Variants in ALDH2 observed in about 807,000 individuals in gnomAD.
ALDH2 encodes aldehyde dehydrogenase 2 family member.
In ALDH2, 44 loss-of-function variants were observed where a neutral mutation model predicts 59.6. The ratio of observed to expected loss-of-function variants is 0.74; its 90% CI spans 0.58 to 0.95. ALDH2 has a LOEUF of 0.95. Among genes scored for constraint, ALDH2 ranks in the 40% least tolerant of loss-of-function variants. ALDH2 has a pLI of 0.00. For synonymous variants in ALDH2, 291 were observed against 284.0 expected, an observed-to-expected ratio of 1.02 and a Z score of -0.25; for missense variants, 570 against 696.3, an observed-to-expected ratio of 0.82 and a Z score of 2.04.
chr12:111,792,205 C>A, intron 8 of ALDH2, 42 bp downstream of exon 8: 2 of 1,441,468 alleles, frequency 1.4e-6, no homozygotes, highest in Non-Finnish European at 1.9e-6. Context: ...GAAGGTAGCC[C>A]TGGCCACCTG....
intron 1 of ALDH2, among the ~76,000 whole-genome samples, chr12:111,776,195 T>C (rs1004745759): frequency 1.3e-5 from 2 of 152,088 alleles, no homozygotes; most frequent in African/African-American, 4.8e-5. Flanking sequence ...CTTTGCAAAA[T>C]AAAGTTTAAA....
rs2068530292 is a variant in ALDH2, at chr12:111,810,807, A to G, written c.*1232A>G. Reference sequence around the variant, plus strand: ...AGGCTGTTTTCAAACTCCTGGACTCAAGTGATCCTCCCGCCTTAGCCTCCT... The same window carrying G: ...AGGCTGTTTTCAAACTCCTGGACTCGAGTGATCCTCCCGCCTTAGCCTCCT... On this transcript the variant is annotated 3_prime_UTR_variant, in exon 13 of 13. Coordinates refer to ENST00000261733, the MANE Select transcript of ALDH2 (RefSeq NM_000690.4). 6.6e-6 allele frequency: 1 copy of G among 152,128 alleles called. No individual in the cohort carries two copies. Among genetic ancestry groups the G allele is most frequent in the Non-Finnish European group, 1.5e-5 (1 of 68,102 alleles). 9.4% of individuals were successfully genotyped at this position (152,128 alleles called of 1,614,324 possible). A position where few individuals can be genotyped will look rare whatever the true frequency, so the allele number is the denominator to read the frequency against.
chr12:111,780,050 C>T (rs1384095543), intron 1 of ALDH2, among the ~76,000 whole-genome samples: 8 of 152,140 alleles, frequency 5.3e-5, no homozygotes, highest in Non-Finnish European at 1.2e-4. Context: ...TGCCACCACA[C>T]CTGGCTAATT....
chr12:111,794,765 C>A (rs535354113), intron 9 of ALDH2, among the ~76,000 whole-genome samples: 1 of 152,226 alleles, frequency 6.6e-6, no homozygotes, highest in East Asian at 1.9e-4. Flanking sequence ...CCTCAGCCTC[C>A]CAAAGTCCTG....
chr12:111,787,441 A>T lies in ALDH2; in HGVS notation c.440+2095A>T, dbSNP rs149130655. On this transcript the variant is annotated intron_variant, in intron 4 of 12. Transcript: ENST00000261733. ...GCTAAGCTGTCATCTTTTAGTTGTA[A>T]TGCCATATTCCTGAGGGAGGACCCT... 2.1e-3 allele frequency among the ~76,000 whole-genome samples: 319 copies of T among 152,248 alleles called. 1 individual carries two copies. The highest frequency in any genetic ancestry group is 7.2e-3 in the African/African-American group (301 of 41,548).
intron 2 of ALDH2, among the ~76,000 whole-genome samples, chr12:111,782,863 G>A (rs1438008910): frequency 6.6e-6 from 1 of 151,128 alleles, no homozygotes; most frequent in African/African-American, 2.4e-5. Flanking sequence ...CAGCCTGGGC[G>A]ACAGAGCGAG....
intron 2 of ALDH2, among the ~76,000 whole-genome samples, 181 bp downstream of exon 2, chr12:111,782,203 A>T (rs1465297173): frequency 6.6e-6 from 1 of 152,256 alleles, no homozygotes; most frequent in Non-Finnish European, 1.5e-5. Flanking sequence ...TAATTCACTT[A>T]GTGTAGAACT....
At chr12:111,796,320 T>C (rs1248153323) in intron 9 of ALDH2, among the ~76,000 whole-genome samples, 1 of 151,176 alleles carries the variant, frequency 6.6e-6, no homozygotes, top group African/African-American at 2.4e-5. Flanking sequence ...AGACTCCACC[T>C]CAAAAAATAA....
At chr12:111,790,006 G>T in intron 5 of ALDH2, 72 bp downstream of exon 5, 1 of 1,455,446 alleles carries the variant, frequency 6.9e-7, no homozygotes. Context: ...CATTGCAGAG[G>T]TTCTGGGGTG....
At chr12:111,767,835 T>C (rs566358087) in intron 1 of ALDH2, among the ~76,000 whole-genome samples, 1 of 152,220 alleles carries the variant, frequency 6.6e-6, no homozygotes. Flanking sequence ...AGGCTGAAAT[T>C]GGTTATGAAA....
chr12:111,812,319 A>G lies in ALDH2; in HGVS notation c.*2744A>G, dbSNP rs2068541750. ...ATCATGTCTGTGATCTAGATCTAGT[A>G]TAACTCTTGTTGTTTTATATATTTT... On this transcript the variant is annotated 3_prime_UTR_variant, in exon 13 of 13. Coordinates refer to ENST00000261733, the MANE Select transcript of ALDH2 (RefSeq NM_000690.4). 1 of 152,114 alleles carries G rather than the reference A, an allele frequency of 6.6e-6. No homozygotes were observed. Among genetic ancestry groups the G allele is most frequent in the Non-Finnish European group, 1.5e-5 (1 of 68,042 alleles). 9.4% of individuals were successfully genotyped at this position (152,114 alleles called of 1,614,324 possible). A position where few individuals can be genotyped will look rare whatever the true frequency, so the allele number is the denominator to read the frequency against.
rs1223518213 is a variant in ALDH2, at chr12:111,803,911, A to G, written c.1459A>G (p.Met487Val). The change falls in exon 12 of 13, where the codon ATG (methionine) becomes GTG (valine). Residue 487 changes from methionine to valine, a missense_variant. Coordinates refer to ENST00000261733, the MANE Select transcript of ALDH2 (RefSeq NM_000690.4). ...GAQSPFGGYK[M>V]SGSGRELGEY... ...CCAGTCACCCTTTGGTGGCTACAAGATGTCGGGGAGTGGCCGGGAGTTGGG... is the reference window on the plus strand; with the variant it reads ...CCAGTCACCCTTTGGTGGCTACAAGGTGTCGGGGAGTGGCCGGGAGTTGGG... 6.2e-7 allele frequency: 1 copy of G among 1,613,448 alleles called. No individual in the cohort carries two copies. Among genetic ancestry groups the G allele is most frequent in the Admixed American group, 1.7e-5 (1 of 59,916 alleles).
At chr12:111,775,490 T>G (rs1163635886) in intron 1 of ALDH2, 13 of 368,256 alleles carry the variant, frequency 3.5e-5, no homozygotes, top group Middle Eastern at 9.6e-4. Context: ...CAGTGAAAGC[T>G]TATGGAATGC....
Position 111,811,493 on chromosome 12 carries a change from A to C in ALDH2, c.*1918A>C, listed in dbSNP as rs1163879732. 1 of 142,166 alleles carries C rather than the reference A, an allele frequency of 7.0e-6. No individual in the cohort carries two copies. The highest frequency in any genetic ancestry group is 2.6e-5 in the African/African-American group (1 of 37,996). 8.8% of individuals were successfully genotyped at this position (142,166 alleles called of 1,614,324 possible). A position where few individuals can be genotyped will look rare whatever the true frequency, so the allele number is the denominator to read the frequency against. On this transcript the variant is annotated 3_prime_UTR_variant, in exon 13 of 13. Transcript: ENST00000261733. ...TTTTTTTTTTCTTCTTTTTTTTTTGAGACTGAGTCTCGGTCTGTCGCCCAG... is the reference window on the plus strand; with the variant it reads ...TTTTTTTTTTCTTCTTTTTTTTTTGCGACTGAGTCTCGGTCTGTCGCCCAG...
chr12:111,782,075 T>C (rs2068277146), intron 2 of ALDH2, 53 bp downstream of exon 2: 1 of 1,405,276 alleles, frequency 7.1e-7, no homozygotes, highest in Non-Finnish European at 1.0e-6. Context: ...TTCTATTTTA[T>C]ACGTTTTTGT....
intron 1 of ALDH2, among the ~76,000 whole-genome samples, chr12:111,781,100 C>T (rs1485974953): frequency 6.6e-6 from 1 of 151,910 alleles, no homozygotes; most frequent in Non-Finnish European, 1.5e-5. Flanking sequence ...TGGAGTGAGA[C>T]CCTGTCTCAA....
At chr12:111,790,926 G>C (rs1007507197) in intron 6 of ALDH2, among the ~76,000 whole-genome samples, 4 of 152,138 alleles carry the variant, frequency 2.6e-5, no homozygotes, top group Admixed American at 2.0e-4. Context: ...GCATGCACCT[G>C]TAGTCCCAAC....
intron 1 of ALDH2, among the ~76,000 whole-genome samples, chr12:111,780,939 T>C (rs2068267226): frequency 6.6e-6 from 1 of 151,956 alleles, no homozygotes; most frequent in Non-Finnish European, 1.5e-5. Context: ...AGGGACCTCA[T>C]CTCTACAAGA....
rs2068547504 is a variant in ALDH2, at chr12:111,813,232, G to A, written c.*3657G>A. 1 of 152,188 alleles carries A rather than the reference G, an allele frequency of 6.6e-6. No individual in the cohort carries two copies. Among genetic ancestry groups the A allele is most frequent in the Admixed American group, 6.5e-5 (1 of 15,268 alleles). The allele number at this position is 152,188 out of a possible 1,614,324, so 9.4% of individuals were successfully genotyped here. On this transcript the variant is annotated 3_prime_UTR_variant, in exon 13 of 13. Coordinates refer to ENST00000261733, the MANE Select transcript of ALDH2 (RefSeq NM_000690.4). ...TTAGGTGTAAAGCCGCTGCTTCTGG[G>A]TAGAGCCTCCACTTGTGGCTGCACA...
Sources: gnomAD v4.1 joint callset for allele counts (sites outside exome capture counted in the v4.1 genomes callset) on GRCh38, gnomAD v4.1.1 for gene constraint, MANE v1.5 for transcripts, NCBI Gene and HGNC (gene_info 2026-07-23, HGNC 2026-07-21) for gene names.